The following RAB21 variants were observed in gnomAD, a reference collection of about 807,000 sequenced individuals.
The protein encoded by RAB21 is ras-related protein Rab-21.
RAB21 carries 13 observed loss-of-function variants against 33.1 expected under a neutral mutation model. The observed-to-expected ratio is 0.39, with a 90% CI of 0.26 to 0.62. The LOEUF (loss-of-function observed/expected upper bound fraction) is 0.62, where lower values mean the gene tolerates loss of function less well. RAB21 is among the 20% of genes least tolerant of loss of function. RAB21 has a pLI of 0.48. For missense variants in RAB21, 234 were observed against 279.1 expected (o/e 0.84, Z 1.15); for synonymous variants, 91 against 103.7 (o/e 0.88, Z 0.74).
In RAB21 at chr12:71,797,777, T is replaced by C. The variant is rs1436143466; in HGVS notation, c.*12104T>C. Reference sequence around the variant, plus strand: ...ACAGATCATTCAAGCAGAAGGAAAATGAACCCAGATATGGGAATTTAGTGG... The same window carrying C: ...ACAGATCATTCAAGCAGAAGGAAAACGAACCCAGATATGGGAATTTAGTGG... On this transcript the variant is annotated 3_prime_UTR_variant, in exon 7 of 7. Coordinates refer to ENST00000261263, the MANE Select transcript of RAB21 (RefSeq NM_014999.4). 6.8e-6 allele frequency: 1 copy of C among 148,086 alleles called. No individual in the cohort carries two copies. The highest frequency in any genetic ancestry group is 1.5e-5 in the Non-Finnish European group (1 of 67,810). 9.2% of individuals were successfully genotyped at this position (148,086 alleles called of 1,614,324 possible).
intron 1 of RAB21, among the ~76,000 whole-genome samples, chr12:71,769,572 CTG>C (rs1416268686): frequency 6.6e-6 from 1 of 151,980 alleles, no homozygotes; most frequent in East Asian, 1.9e-4. Context: ...TACTTATTTT[CTG>C]TGTGTTTTGT....
intron 1 of RAB21, among the ~76,000 whole-genome samples, chr12:71,759,979 T>TACTA (rs1882846074): frequency 6.6e-6 from 1 of 152,268 alleles, no homozygotes; most frequent in African/African-American, 2.4e-5. Flanking sequence ...TATGTAAAGC[T>TACTA]ACTAGCACAG....
chr12:71,770,756 A>T, intron 3 of RAB21, 57 bp downstream of exon 3: 1 of 1,128,742 alleles, frequency 8.9e-7, no homozygotes. Context: ...TCAAGTTTCC[A>T]TTAATATACC....
At chr12:71,769,926 T>C in intron 2 of RAB21, 67 bp downstream of exon 2, 2 of 838,144 alleles carry the variant, frequency 2.4e-6, no homozygotes, top group Non-Finnish European at 1.7e-6. Flanking sequence ...TTAAAGTTAA[T>C]TGGAGCTTAG....
intron 3 of RAB21, among the ~76,000 whole-genome samples, chr12:71,771,844 C>T (rs1883047268): frequency 6.6e-6 from 1 of 151,858 alleles, no homozygotes; most frequent in South Asian, 2.1e-4. Context: ...GGTTTGGTGG[C>T]ACATGCCTAT....
At chr12:71,780,292 T>C (rs1422470416) in intron 4 of RAB21, among the ~76,000 whole-genome samples, 2 of 152,116 alleles carry the variant, frequency 1.3e-5, no homozygotes, top group East Asian at 3.9e-4. Flanking sequence ...AAAAATTCCA[T>C]AGGGTTTTAG....
At chr12:71,755,419 ACCTTTCCGAATTCGC>A (rs1565881679) in intron 1 of RAB21, 131 bp downstream of exon 1, 3 of 1,135,666 alleles carry the variant, frequency 2.6e-6, no homozygotes, top group Non-Finnish European at 3.5e-6. Context: ...CCTTCGGTTT[ACCTTTCCGAATTCGC>A]CCTGGGGAAT....
chr12:71,773,954 T>C lies in RAB21; in HGVS notation c.328-5T>C. On this transcript the variant is annotated splice_polypyrimidine_tract_variant and splice_region_variant and intron_variant, in intron 3 of 6. Transcript: ENST00000261263. ...GTTTTAATATGTGCTCTTTTGTATA[T>C]ACAGGTAAAAAACTGGGTCAAAGAA... 6.3e-7 allele frequency: 1 copy of C among 1,581,382 alleles called. No individual in the cohort carries two copies. Among genetic ancestry groups the C allele is most frequent in the Non-Finnish European group, 8.6e-7 (1 of 1,160,396 alleles).
chr12:71,756,215 T>G (rs574368269), intron 1 of RAB21, among the ~76,000 whole-genome samples: 32 of 152,340 alleles, frequency 2.1e-4, no homozygotes, highest in African/African-American at 7.5e-4. Context: ...TCCATCCATT[T>G]AACTAGCTGT....
chr12:71,783,996 A>T (rs1166385542), intron 6 of RAB21, among the ~76,000 whole-genome samples: 2 of 152,228 alleles, frequency 1.3e-5, no homozygotes, highest in African/African-American at 4.8e-5. Flanking sequence ...TATAACATGT[A>T]CAAGTACTAA....
At chr12:71,778,599 A>G (rs1274437754) in intron 4 of RAB21, among the ~76,000 whole-genome samples, 2 of 152,186 alleles carry the variant, frequency 1.3e-5, no homozygotes, top group African/African-American at 4.8e-5. Context: ...GGAATAGTGT[A>G]GTGAATAAGT....
At chr12:71,771,709 C>T (rs976367274) in intron 3 of RAB21, among the ~76,000 whole-genome samples, 3 of 152,184 alleles carry the variant, frequency 2.0e-5, no homozygotes, top group African/African-American at 7.2e-5. Context: ...CACAGTGGCT[C>T]ACGCCTGTAA....
rs1052545054 is a variant in RAB21 at position 71,793,070 on chromosome 12, C to T, written c.*7397C>T. 1 of 152,152 alleles carries T rather than the reference C, an allele frequency of 6.6e-6. No individual in the cohort carries two copies. Among genetic ancestry groups the T allele is most frequent in the Non-Finnish European group, 1.5e-5 (1 of 68,022 alleles). 9.4% of individuals were successfully genotyped at this position (152,152 alleles called of 1,614,324 possible). A position where few individuals can be genotyped will look rare whatever the true frequency, so the allele number is the denominator to read the frequency against. Reference sequence around the variant, plus strand: ...GGGGGTAATTAAGTGATCCTCTAACCCAAATTGCTTTTCCAAATTTTGTGG... The same window carrying T: ...GGGGGTAATTAAGTGATCCTCTAACTCAAATTGCTTTTCCAAATTTTGTGG... On this transcript the variant is annotated 3_prime_UTR_variant, in exon 7 of 7. Coordinates refer to ENST00000261263, the MANE Select transcript of RAB21 (RefSeq NM_014999.4).
rs768025266 is a variant in RAB21, at chr12:71,781,999, A to G, written c.392-32A>G. ...AATTTTGTTATGAAAATAAATCAGTATAAAGATAAATATTTACTTTTTTCA... is the reference window on the plus strand; with the variant it reads ...AATTTTGTTATGAAAATAAATCAGTGTAAAGATAAATATTTACTTTTTTCA... On this transcript the variant is annotated intron_variant, in intron 4 of 6. Coordinates refer to ENST00000261263, the MANE Select transcript of RAB21 (RefSeq NM_014999.4). 5 of 1,489,782 alleles carry G rather than the reference A, an allele frequency of 3.4e-6. No individual in the cohort carries two copies. The South Asian group carries it at 4.6e-5, about 14-fold the overall frequency. 92.3% of individuals were successfully genotyped at this position (1,489,782 alleles called of 1,614,324 possible).
rs984548328 is a variant in RAB21 at position 71,757,443 on chromosome 12, T to C, written c.159+2155T>C. ...TCAACTTAAAAATTACACTTCCATT[T>C]TAAATTTCTAAAACATTCTTGAAAC... On this transcript the variant is annotated intron_variant, in intron 1 of 6. Coordinates refer to ENST00000261263, the MANE Select transcript of RAB21 (RefSeq NM_014999.4). 7.2e-5 allele frequency among the ~76,000 whole-genome samples: 11 copies of C among 152,336 alleles called. 1 individual carries two copies. Among genetic ancestry groups the C allele is most frequent in the Admixed American group, 1.3e-4 (2 of 15,296 alleles).
rs199531080 is a variant in RAB21 at position 71,784,515 on chromosome 12, A to ATT, written c.536-1005_536-1004dup. Reference sequence around the variant, plus strand: ...GATGTTAAGGTGTGGGTTAAGGTTGATTTTTTTTTTTTACAATAGATGTCC... The same window carrying ATT: ...GATGTTAAGGTGTGGGTTAAGGTTGATTTTTTTTTTTTTTACAATAGATGTCC... On this transcript the variant is annotated intron_variant, in intron 6 of 6. Coordinates refer to ENST00000261263, the MANE Select transcript of RAB21 (RefSeq NM_014999.4). 5.5e-4 allele frequency among the ~76,000 whole-genome samples: 80 copies of ATT among 144,608 alleles called. No homozygotes were observed. In the East Asian group the frequency reaches 6.1e-3, roughly 11 times the overall value. The allele number at this position is 144,608 out of a possible 152,430, so 94.9% of individuals were successfully genotyped here. A position where few individuals can be genotyped will look rare whatever the true frequency, so the allele number is the denominator to read the frequency against.
At chr12:71,773,934 A>C in intron 3 of RAB21, 25 bp from the exon 4 acceptor site, 1 of 1,523,446 alleles carries the variant, frequency 6.6e-7, no homozygotes, top group South Asian at 1.2e-5. Context: ...GATTTGTTTT[A>C]ATATGTGCTC....
chr12:71,781,283 C>T (rs578131232), intron 4 of RAB21, among the ~76,000 whole-genome samples: 2 of 152,168 alleles, frequency 1.3e-5, no homozygotes, highest in East Asian at 3.9e-4. Context: ...TCCTGGCTAA[C>T]ACAGTGAAAC....
rs1883376710 is a variant in RAB21 at position 71,791,137 on chromosome 12, C to T, written c.*5464C>T. 1 of 152,558 alleles carries T rather than the reference C, an allele frequency of 6.6e-6. No homozygotes were observed. The highest frequency in any genetic ancestry group is 2.1e-4 in the South Asian group (1 of 4,836). 9.5% of individuals were successfully genotyped at this position (152,558 alleles called of 1,614,324 possible). A position where few individuals can be genotyped will look rare whatever the true frequency, so the allele number is the denominator to read the frequency against. ...AGCTGGGACTACATGTGTAAGCCAC[C>T]ATGCCTGGCTAATTTTTGTATTTTT... is the stretch of plus-strand genomic sequence containing the variant. On this transcript the variant is annotated 3_prime_UTR_variant, in exon 7 of 7. Transcript: ENST00000261263.
Sources: gnomAD v4.1 joint callset for allele counts (sites outside exome capture counted in the v4.1 genomes callset) on GRCh38, gnomAD v4.1.1 for gene constraint, MANE v1.5 for transcripts, NCBI Gene and HGNC (gene_info 2026-07-23, HGNC 2026-07-21) for gene names.